IL1RAPL2: variants seen among roughly 807,000 people sequenced by gnomAD.
IL1RAPL2 encodes the protein interleukin 1 receptor accessory protein like 2.
In IL1RAPL2, 3 loss-of-function variants were observed where a neutral mutation model predicts 44.1. That is an observed-to-expected ratio of 0.07 (90% CI 0.03 to 0.18). The LOEUF is 0.18. Among genes scored for constraint, IL1RAPL2 ranks in the 10% least tolerant of loss-of-function variants. The pLI is 1.00. For synonymous variants in IL1RAPL2, 181 were observed against 178.8 expected (o/e 1.01, Z -0.10); for missense variants, 391 against 496.4 (o/e 0.79, Z 2.02).
At chrX:104,848,442 TATATATATAAC>T (rs1922125175) in intron 2 of IL1RAPL2, among the ~76,000 whole-genome samples, 1 of 77,658 alleles carries the variant, frequency 1.3e-5, no homozygotes, top group Admixed American at 1.5e-4. Flanking sequence ...TATATATATA[TATATATATAAC>T]TTAAACAATC....
At chrX:104,665,441 AT>A (rs1338247615) in intron 2 of IL1RAPL2, among the ~76,000 whole-genome samples, 9 of 110,458 alleles carry the variant, frequency 8.1e-5, no homozygotes, top group Admixed American at 3.9e-4. Flanking sequence ...TTCTGTTAAT[AT>A]TTTTTTCTTA....
intron 6 of IL1RAPL2, among the ~76,000 whole-genome samples, chrX:105,701,299 A>G (rs775547699): frequency 1.8e-5 from 2 of 111,226 alleles, no homozygotes; most frequent in Non-Finnish European, 3.8e-5. Flanking sequence ...GTGATCTATA[A>G]TGCACAAATA....
intron 2 of IL1RAPL2, among the ~76,000 whole-genome samples, chrX:105,111,384 C>A (rs1354297714): frequency 1.8e-5 from 2 of 111,380 alleles, no homozygotes; most frequent in Non-Finnish European, 3.8e-5. Flanking sequence ...TTTGCAACAA[C>A]TTTTCCCCAA....
rs188259748 is a variant in IL1RAPL2, at chrX:105,087,415, A to G, written c.83-108060A>G. Among the ~76,000 whole-genome samples, 183 of 112,028 alleles carry G rather than the reference A, an allele frequency of 1.6e-3. 1 individual carries two copies. Among genetic ancestry groups the G allele is most frequent in the African/African-American group, 5.6e-3 (172 of 30,954 alleles). On this transcript the variant is annotated intron_variant, in intron 2 of 10. Transcript: ENST00000372582. Reference sequence around the variant, plus strand: ...AGGGGATGTTTTCACTGGCCATGAAACAGATTAAAATTAACTGAGATTAAA... The same window carrying G: ...AGGGGATGTTTTCACTGGCCATGAAGCAGATTAAAATTAACTGAGATTAAA...
At chrX:105,315,194 G>T (rs2147683628) in intron 5 of IL1RAPL2, among the ~76,000 whole-genome samples, 1 of 109,753 alleles carries the variant, frequency 9.1e-6, no homozygotes, top group East Asian at 2.9e-4. Flanking sequence ...TGTAGCTTTG[G>T]CCGTACAAAC....
At chrX:104,870,102 T>C (rs1490059149) in intron 2 of IL1RAPL2, among the ~76,000 whole-genome samples, 1 of 112,267 alleles carries the variant, frequency 8.9e-6, no homozygotes. Flanking sequence ...TACAATAGCT[T>C]ATCTGAAGAA....
At chrX:105,313,210 A>C (rs980482193) in intron 5 of IL1RAPL2, among the ~76,000 whole-genome samples, 1 of 111,854 alleles carries the variant, frequency 8.9e-6, no homozygotes, top group African/African-American at 3.2e-5. Context: ...AAACCAGCCT[A>C]TAGTGATGTG....
intron 2 of IL1RAPL2, among the ~76,000 whole-genome samples, chrX:104,833,608 A>G (rs545465711): frequency 1.8e-5 from 2 of 111,814 alleles, no homozygotes; most frequent in South Asian, 7.5e-4. Context: ...AGGTCCACAG[A>G]AGAGGTTTGC....
intron 6 of IL1RAPL2, among the ~76,000 whole-genome samples, chrX:105,520,322 T>C (rs914390970): frequency 3.6e-5 from 4 of 112,428 alleles, no homozygotes; most frequent in Non-Finnish European, 7.5e-5. Context: ...GAGATACACA[T>C]ACTCAGGTGA....
At chrX:105,059,844 T>A (rs906178889) in intron 2 of IL1RAPL2, among the ~76,000 whole-genome samples, 2 of 112,556 alleles carry the variant, frequency 1.8e-5, no homozygotes, top group African/African-American at 6.5e-5. Context: ...TTTCTTTATA[T>A]GTTTATTTGT....
chrX:105,078,901 A>C (rs1164411807), intron 2 of IL1RAPL2, among the ~76,000 whole-genome samples: 4 of 111,967 alleles, frequency 3.6e-5, no homozygotes, highest in Non-Finnish European at 7.5e-5. Context: ...TTAGGGTGGG[A>C]GTGACCCGAT....
intron 2 of IL1RAPL2, among the ~76,000 whole-genome samples, chrX:104,822,643 G>T (rs1232836084): frequency 8.9e-6 from 1 of 112,142 alleles, no homozygotes; most frequent in Non-Finnish European, 1.9e-5. Flanking sequence ...GTACCATGCT[G>T]TTTTTGTTAA....
chrX:105,125,929 C>A (rs936960927), intron 2 of IL1RAPL2, among the ~76,000 whole-genome samples: 2 of 111,117 alleles, frequency 1.8e-5, no homozygotes, highest in East Asian at 5.6e-4. Flanking sequence ...GAAAATAATT[C>A]TCTCAAGTAT....
intron 2 of IL1RAPL2, among the ~76,000 whole-genome samples, chrX:104,824,003 A>C (rs893271830): frequency 8.9e-6 from 1 of 111,909 alleles, no homozygotes; most frequent in Non-Finnish European, 1.9e-5. Flanking sequence ...TTGCCCATTC[A>C]GTATGATATT....
chrX:104,913,719 G>A (rs1429054231), intron 2 of IL1RAPL2, among the ~76,000 whole-genome samples: 1 of 112,128 alleles, frequency 8.9e-6, no homozygotes, highest in East Asian at 2.8e-4. Flanking sequence ...TCAGAATTTT[G>A]CAAATGCCAT....
At chrX:105,108,084 A>T (rs2032761968) in intron 2 of IL1RAPL2, among the ~76,000 whole-genome samples, 1 of 110,685 alleles carries the variant, frequency 9.0e-6, no homozygotes, top group African/African-American at 3.3e-5. Context: ...ACCCTCCCTA[A>T]ATTCAGTTAC....
chrX:104,645,621 C>T (rs1446359763), intron 1 of IL1RAPL2, among the ~76,000 whole-genome samples: 1 of 112,210 alleles, frequency 8.9e-6, no homozygotes, highest in Non-Finnish European at 1.9e-5. Flanking sequence ...CAAAACACTC[C>T]ATATTTCTCC....
intron 5 of IL1RAPL2, among the ~76,000 whole-genome samples, chrX:105,343,552 C>A (rs2035087329): frequency 9.0e-6 from 1 of 111,609 alleles, no homozygotes; most frequent in South Asian, 3.7e-4. Context: ...ATTGAATATA[C>A]CATGATGGAC....
chrX:104,718,737 T>G (rs762510073), intron 2 of IL1RAPL2, among the ~76,000 whole-genome samples: 1 of 111,653 alleles, frequency 9.0e-6, no homozygotes, highest in East Asian at 2.9e-4. Flanking sequence ...GAAAACGGAC[T>G]AATACAGTAC....
Sources: gnomAD v4.1 joint callset for allele counts (sites outside exome capture counted in the v4.1 genomes callset) on GRCh38, gnomAD v4.1.1 for gene constraint, MANE v1.5 for transcripts, NCBI Gene and HGNC (gene_info 2026-07-23, HGNC 2026-07-21) for gene names.